CWH43: variants seen among roughly 807,000 people sequenced by gnomAD.
CWH43 encodes the protein cell wall biogenesis 43 C-terminal homolog.
Under a neutral mutation model 85.7 loss-of-function variants are expected in CWH43, and 91 were observed. The ratio of observed to expected loss-of-function variants is 1.06; its 90% CI spans 0.90 to 1.26. The LOEUF is 1.26. CWH43 is among the 50% of genes most tolerant of loss of function. The pLI, the probability that CWH43 is intolerant of heterozygous loss-of-function variation, is 0.00. For synonymous variants in CWH43, 323 were observed against 293.6 expected, an observed-to-expected ratio of 1.10 and a Z score of -1.02; for missense variants, 869 against 839.2, an observed-to-expected ratio of 1.04 and a Z score of -0.44.
chr4:48,998,746 C>T lies in CWH43; in HGVS notation c.802+198C>T, dbSNP rs183224687. ...TACCTGCTCTGAGTTCCTGCTTCCTCCTACCTCCGCCTCCCCCTCCTCCTG... is the reference window on the plus strand; with the variant it reads ...TACCTGCTCTGAGTTCCTGCTTCCTTCTACCTCCGCCTCCCCCTCCTCCTG... On this transcript the variant is annotated intron_variant, in intron 6 of 15. Transcript: ENST00000226432. Among the ~76,000 whole-genome samples, 18 of 152,282 alleles carry T rather than the reference C, an allele frequency of 1.2e-4. No individual in the cohort carries two copies. In the East Asian group the frequency reaches 2.1e-3, roughly 18 times the overall value.
chr4:49,058,098 A>T (rs913571770), intron 15 of CWH43, among the ~76,000 whole-genome samples: 5 of 152,150 alleles, frequency 3.3e-5, no homozygotes, highest in Admixed American at 2.6e-4. Context: ...ATTTAAAGTA[A>T]TTACTGATAG....
In CWH43 at chr4:49,032,661, T is replaced by A; in HGVS notation, c.1604T>A (p.Val535Asp). ...ATCGCACCAGCCATCACATTGACCGTTAACATTTCGGGCAAGCTGGTGGAT... is the reference window on the plus strand; with the variant it reads ...ATCGCACCAGCCATCACATTGACCGATAACATTTCGGGCAAGCTGGTGGAT... ...GEIAPAITLT[V>D]NISGKLVDFV... Residue 535 changes from valine (V) to aspartate (D), a missense_variant, in exon 12 of 16, where the codon GTT becomes GAT. Val to Asp is a radical substitution (Grantham distance 152). This residue lies in a region of CWH43 where 577 missense variants were observed against 513.1 expected (regional missense o/e 1.12). Transcript: ENST00000226432. 1 of 1,614,122 alleles carries A rather than the reference T, an allele frequency of 6.2e-7. No individual in the cohort carries two copies. The highest frequency in any genetic ancestry group is 8.5e-7 in the Non-Finnish European group (1 of 1,179,954).
intron 13 of CWH43, among the ~76,000 whole-genome samples, chr4:49,043,324 C>A (rs1252686703): frequency 6.6e-6 from 1 of 152,032 alleles, no homozygotes; most frequent in Non-Finnish European, 1.5e-5. Flanking sequence ...GAATATTAGA[C>A]AAGATGAAAT....
At chr4:49,049,866 C>A (rs1213763946) in intron 14 of CWH43, among the ~76,000 whole-genome samples, 1 of 152,160 alleles carries the variant, frequency 6.6e-6, no homozygotes, top group Non-Finnish European at 1.5e-5. Flanking sequence ...ACTGCATTCA[C>A]CCCAGTGCTT....
intron 12 of CWH43, 108 bp from the exon 13 acceptor site, chr4:49,037,928 C>A: frequency 1.2e-6 from 1 of 868,022 alleles, no homozygotes. Context: ...AGGAATGACT[C>A]TGGGCTTCTT....
chr4:48,995,741 T>C (rs1577654892), intron 5 of CWH43, among the ~76,000 whole-genome samples: 1 of 152,184 alleles, frequency 6.6e-6, no homozygotes, highest in Non-Finnish European at 1.5e-5. Context: ...TCTTCCTCAT[T>C]TTCTCCAACT....
intron 14 of CWH43, among the ~76,000 whole-genome samples, chr4:49,048,257 A>T (rs1349150790): frequency 6.6e-6 from 1 of 151,794 alleles, no homozygotes; most frequent in Non-Finnish European, 1.5e-5. Flanking sequence ...ACCTCTCCTT[A>T]GGAGAATGGG....
chr4:49,027,110 G>A (rs1783940117), intron 9 of CWH43, among the ~76,000 whole-genome samples: 1 of 152,236 alleles, frequency 6.6e-6, no homozygotes, highest in Middle Eastern at 3.2e-3. Flanking sequence ...TGGATTATAA[G>A]GGGATGAGAA....
intron 13 of CWH43, among the ~76,000 whole-genome samples, chr4:49,040,967 G>C (rs1381850445): frequency 6.6e-6 from 1 of 152,182 alleles, no homozygotes; most frequent in African/African-American, 2.4e-5. Flanking sequence ...CATATGGTTA[G>C]CCAGTTTTCC....
At chr4:49,050,296 G>A (rs554056053) in intron 14 of CWH43, among the ~76,000 whole-genome samples, 1 of 152,298 alleles carries the variant, frequency 6.6e-6, no homozygotes, top group Admixed American at 6.5e-5. Flanking sequence ...AGACTTGAAA[G>A]TAGGCTGAAA....
intron 3 of CWH43, 47 bp from the exon 4 acceptor site, chr4:48,991,889 C>T (rs1484136495): frequency 1.3e-6 from 2 of 1,486,290 alleles, no homozygotes; most frequent in Non-Finnish European, 1.9e-6. Flanking sequence ...GGACATAGTA[C>T]ATTGAGTCCA....
intron 9 of CWH43, among the ~76,000 whole-genome samples, chr4:49,026,440 T>C (rs1416567713): frequency 1.3e-5 from 2 of 152,054 alleles, no homozygotes; most frequent in East Asian, 3.9e-4. Context: ...GGTCTCCGTG[T>C]GCTGCTCTCT....
intron 8 of CWH43, chr4:49,016,566 C>T (rs1783554585): frequency 1.4e-6 from 1 of 696,018 alleles, no homozygotes; most frequent in African/African-American, 1.7e-5. Flanking sequence ...TCAACCATTA[C>T]AGGGTGAAGA....
intron 8 of CWH43, among the ~76,000 whole-genome samples, chr4:49,008,967 TG>T (rs1213788860): frequency 6.6e-6 from 1 of 152,246 alleles, no homozygotes; most frequent in East Asian, 1.9e-4. Flanking sequence ...GGCTCTTTTT[TG>T]GTTCTATATG....
intron 15 of CWH43, among the ~76,000 whole-genome samples, chr4:49,059,219 T>C (rs1338268663): frequency 6.6e-6 from 1 of 152,202 alleles, no homozygotes; most frequent in African/African-American, 2.4e-5. Flanking sequence ...ATTGTTCTCC[T>C]TGATTGAGTC....
chr4:49,020,416 C>CACACACACACACAAATAT (rs140534523), intron 9 of CWH43, among the ~76,000 whole-genome samples: 2 of 128,394 alleles, frequency 1.6e-5, no homozygotes, highest in Admixed American at 9.0e-5. Context: ...CACACACACA[C>CACACACACACACAAATAT]ATATATATAT....
chr4:48,998,586 C>G, intron 6 of CWH43, 38 bp downstream of exon 6: 1 of 1,441,492 alleles, frequency 6.9e-7, no homozygotes, highest in Non-Finnish European at 9.8e-7. Context: ...CACGACTGAG[C>G]TTGGTTATCC....
intron 14 of CWH43, among the ~76,000 whole-genome samples, chr4:49,049,812 TA>T (rs1326657303): frequency 6.6e-6 from 1 of 152,178 alleles, no homozygotes; most frequent in African/African-American, 2.4e-5. Flanking sequence ...CCATCCACCA[TA>T]ATATAGCAAC....
rs1256656119 is a variant in CWH43 at position 48,994,475 on chromosome 4, T to A, written c.512-144T>A. On this transcript the variant is annotated intron_variant, in intron 4 of 15. Coordinates refer to ENST00000226432, the MANE Select transcript of CWH43 (RefSeq NM_025087.3). ...AGCTGTCAGCATGTTTAGCTTCATA[T>A]TGTAGTTGCATGTCTCATCTCCTCT... is the stretch of plus-strand genomic sequence containing the variant. The A allele has an allele frequency of 1.5e-5, 10 of 656,394 alleles. 1 individual carries two copies. In the South Asian group the frequency reaches 1.7e-4, roughly 11 times the overall value. 40.7% of individuals were successfully genotyped at this position (656,394 alleles called of 1,614,324 possible).
Sources: allele counts gnomAD v4.1 joint callset (sites outside exome capture counted in the v4.1 genomes callset), GRCh38; gene constraint gnomAD v4.1.1; regional missense constraint gnomAD v4.1.1; transcripts MANE v1.5; gene names NCBI Gene and HGNC (gene_info 2026-07-23, HGNC 2026-07-21).